Variants in PKIB observed in about 807,000 individuals in gnomAD.
PKIB encodes the protein cAMP-dependent protein kinase inhibitor beta.
In PKIB, 2 loss-of-function variants were observed where a neutral mutation model predicts 4.5. The observed-to-expected ratio is 0.44, with a 90% CI of 0.18 to 1.39. The LOEUF is 1.39. Ranked by LOEUF, PKIB falls within the 40% of genes most tolerant of loss-of-function variation. The pLI is 0.27. For missense variants in PKIB, 94 were observed against 92.6 expected (o/e 1.02, Z -0.06); for synonymous variants, 38 against 36.0 (o/e 1.06, Z -0.20).
chr6:122,645,183 T>A (rs1237952580), intron 2 of PKIB, among the ~76,000 whole-genome samples: 1 of 152,256 alleles, frequency 6.6e-6, no homozygotes, highest in African/African-American at 2.4e-5. Context: ...CATACACACA[T>A]AACTCTTTCT....
At chr6:122,499,455 A>G (rs899412200) in intron 2 of PKIB, among the ~76,000 whole-genome samples, 1 of 152,202 alleles carries the variant, frequency 6.6e-6, no homozygotes, top group African/African-American at 2.4e-5. Flanking sequence ...TTAAAAACAA[A>G]AACCATATGA....
intron 3 of PKIB, among the ~76,000 whole-genome samples, chr6:122,593,220 T>A (rs1449569779): frequency 6.6e-6 from 1 of 152,248 alleles, no homozygotes; most frequent in African/African-American, 2.4e-5. Flanking sequence ...TTTATGTACC[T>A]GTGCTTTTTA....
intron 3 of PKIB, among the ~76,000 whole-genome samples, chr6:122,676,368 G>T (rs1249278050): frequency 6.6e-6 from 1 of 152,054 alleles, no homozygotes; most frequent in Non-Finnish European, 1.5e-5. Context: ...CTCACCTGTT[G>T]CTCACCTCCC....
chr6:122,710,015 T>C (rs1779208778), intron 3 of PKIB, among the ~76,000 whole-genome samples: 1 of 152,156 alleles, frequency 6.6e-6, no homozygotes, highest in African/African-American at 2.4e-5. Context: ...AGTCTTATTA[T>C]TTATTTACTT....
chr6:122,679,925 G>A (rs1777830269), intron 3 of PKIB, among the ~76,000 whole-genome samples: 1 of 152,146 alleles, frequency 6.6e-6, no homozygotes, highest in Non-Finnish European at 1.5e-5. Flanking sequence ...TAGATAATAG[G>A]TAGAGGAGCC....
intron 2 of PKIB, among the ~76,000 whole-genome samples, chr6:122,506,379 T>C (rs988197315): frequency 6.6e-6 from 1 of 152,182 alleles, no homozygotes; most frequent in African/African-American, 2.4e-5. Context: ...AAAGATTATA[T>C]ATATTTTTAA....
At chr6:122,634,571 A>G (rs903919358) in intron 2 of PKIB, among the ~76,000 whole-genome samples, 1 of 152,002 alleles carries the variant, frequency 6.6e-6, no homozygotes, top group Non-Finnish European at 1.5e-5. Context: ...TCCTACTAGA[A>G]CACAACTCCA....
chr6:122,633,965 T>TCTATCTATCTAC (rs1775807464), intron 2 of PKIB, among the ~76,000 whole-genome samples: 1 of 151,892 alleles, frequency 6.6e-6, no homozygotes, highest in Admixed American at 6.6e-5. Context: ...TATCTATCTA[T>TCTATCTATCTAC]CTATCTATCC....
At chr6:122,674,638 G>A (rs902746516) in intron 2 of PKIB, among the ~76,000 whole-genome samples, 1 of 152,106 alleles carries the variant, frequency 6.6e-6, no homozygotes, top group Non-Finnish European at 1.5e-5. Flanking sequence ...ACTTATGGAG[G>A]GTGCAGAAGA....
intron 4 of PKIB, among the ~76,000 whole-genome samples, chr6:122,724,218 T>A (rs1779854242): frequency 6.6e-6 from 1 of 152,146 alleles, no homozygotes; most frequent in South Asian, 2.1e-4. Context: ...TAGTGACTTG[T>A]GGGAACGAAG....
intron 3 of PKIB, chr6:122,701,580 C>T: frequency 1.3e-6 from 2 of 1,497,858 alleles, no homozygotes; most frequent in Non-Finnish European, 1.8e-6. Context: ...GCCACATAGG[C>T]CATAGCTCAA....
At chr6:122,625,120 A>T (rs1037727428) in intron 1 of PKIB, among the ~76,000 whole-genome samples, 1 of 152,230 alleles carries the variant, frequency 6.6e-6, no homozygotes, top group African/African-American at 2.4e-5. Context: ...ACCTGATTTT[A>T]CCTTGCCTAT....
At chr6:122,563,202 T>C (rs1245687741) in intron 2 of PKIB, among the ~76,000 whole-genome samples, 1 of 152,194 alleles carries the variant, frequency 6.6e-6, no homozygotes, top group African/African-American at 2.4e-5. Flanking sequence ...TGTGGCTTCC[T>C]GTGAGTCAAA....
At chr6:122,541,851 G>A (rs1335467760) in intron 2 of PKIB, among the ~76,000 whole-genome samples, 1 of 151,518 alleles carries the variant, frequency 6.6e-6, no homozygotes, top group Non-Finnish European at 1.5e-5. Flanking sequence ...TTTTCACATA[G>A]TCCCATATTT....
intron 2 of PKIB, among the ~76,000 whole-genome samples, chr6:122,649,851 C>A (rs574744457): frequency 1.3e-4 from 20 of 152,228 alleles, no homozygotes; most frequent in African/African-American, 4.8e-4. Flanking sequence ...CTGTGATTCA[C>A]CTTCAGGGAT....
At chr6:122,519,765 G>A (rs150592146) in intron 2 of PKIB, among the ~76,000 whole-genome samples, 33 of 152,208 alleles carry the variant, frequency 2.2e-4, no homozygotes, top group African/African-American at 7.9e-4. Flanking sequence ...TCACATTCAT[G>A]GAGTGACAGC....
At chr6:122,487,305 G>A (rs908397767) in intron 2 of PKIB, among the ~76,000 whole-genome samples, 1 of 152,118 alleles carries the variant, frequency 6.6e-6, no homozygotes, top group African/African-American at 2.4e-5. Flanking sequence ...TTTGAAGAAT[G>A]AAAGTTAGTT....
chr6:122,586,283 G>A (rs1773845393), intron 3 of PKIB, among the ~76,000 whole-genome samples: 1 of 152,078 alleles, frequency 6.6e-6, no homozygotes, highest in South Asian at 2.1e-4. Context: ...TCCTGGTTAG[G>A]TTTTTCATTA....
intron 3 of PKIB, among the ~76,000 whole-genome samples, chr6:122,599,173 A>G (rs1378642764): frequency 1.3e-5 from 2 of 152,176 alleles, no homozygotes; most frequent in East Asian, 3.9e-4. Context: ...TGTTGCCTCA[A>G]GCAGCACAGG....
Sources: gnomAD v4.1 joint callset for allele counts (sites outside exome capture counted in the v4.1 genomes callset) on GRCh38, gnomAD v4.1.1 for gene constraint, MANE v1.5 for transcripts, NCBI Gene and HGNC (gene_info 2026-07-23, HGNC 2026-07-21) for gene names.